ITPKB: variants seen among roughly 807,000 people sequenced by gnomAD.
ITPKB encodes the protein inositol-trisphosphate 3-kinase B, also known as IP3 3-kinase B.
ITPKB carries 13 observed loss-of-function variants against 69.4 expected under a neutral mutation model. That is an observed-to-expected ratio of 0.19 (90% CI 0.12 to 0.30). The LOEUF (loss-of-function observed/expected upper bound fraction) is 0.30, where lower values mean the gene tolerates loss of function less well. ITPKB is among the 10% of genes least tolerant of loss of function. The pLI is 1.00. For synonymous variants in ITPKB, 584 were observed against 513.7 expected (o/e 1.14, Z -1.85); for missense variants, 1,240 against 1,250.5 (o/e 0.99, Z 0.13).
At chr1:226,726,519 A>G (rs1373756612) in intron 2 of ITPKB, among the ~76,000 whole-genome samples, 17 of 152,116 alleles carry the variant, frequency 1.1e-4, no homozygotes, top group Admixed American at 1.0e-3. Flanking sequence ...CTACTAAAAA[A>G]TAAAAAATAA....
At chr1:226,647,710 C>T (rs895742246) in intron 3 of ITPKB, among the ~76,000 whole-genome samples, 6 of 152,258 alleles carry the variant, frequency 3.9e-5, no homozygotes, top group Non-Finnish European at 8.8e-5. Context: ...TCATCCTCAC[C>T]TCCATCATCA....
At chr1:226,667,153 GCTT>G (rs1669518219) in intron 2 of ITPKB, among the ~76,000 whole-genome samples, 1 of 152,132 alleles carries the variant, frequency 6.6e-6, no homozygotes, top group Non-Finnish European at 1.5e-5. Context: ...ACACGCATCT[GCTT>G]CTCTGCTGAG....
chr1:226,715,765 C>T (rs1657079918), intron 2 of ITPKB, among the ~76,000 whole-genome samples: 1 of 152,288 alleles, frequency 6.6e-6, no homozygotes, highest in South Asian at 2.1e-4. Context: ...ACCTTCAAAA[C>T]GTGCAAGATT....
chr1:226,706,475 A>G lies in ITPKB; in HGVS notation c.1932+29052T>C, dbSNP rs145914210. Among the ~76,000 whole-genome samples the G allele has an allele frequency of 7.5e-3, 1,145 of 152,284 alleles. 16 individuals are homozygous for G. The highest frequency in any genetic ancestry group is 0.027 in the African/African-American group (1,115 of 41,540). ...CTGAAGACTGTGGGCTAGGATCTAG[A>G]CAGGCTTCTTGTTATCAATGTCCTG... On this transcript the variant is annotated intron_variant, in intron 2 of 7. Coordinates refer to ENST00000429204, the MANE Select transcript of ITPKB (RefSeq NM_002221.4).
chr1:226,707,490 C>T, intron 2 of ITPKB: 1 of 980,050 alleles, frequency 1.0e-6, no homozygotes, highest in Non-Finnish European at 1.2e-6. Flanking sequence ...AGCCACTGCG[C>T]CTGGCCAATA....
In ITPKB at chr1:226,736,626, C is replaced by T; in HGVS notation, c.833G>A (p.Arg278Lys). Residue 278 changes from arginine to lysine, a missense_variant, in exon 2 of 8, where the codon AGG becomes AAG. By Grantham distance (26) the Arg-to-Lys change is conservative (BLOSUM62 2). Around this residue, in one of 2 missense-constraint regions of ITPKB, gnomAD observed 992 missense variants for 853.8 expected, o/e 1.16. Coordinates refer to ENST00000429204, the MANE Select transcript of ITPKB (RefSeq NM_002221.4). ...CCGAGTTCCCGGGGTAGGAGAGCCC[C>T]TTTTGTCAATTTCCATAGCTGTGGG... ...GSPTAMEIDK[R>K]GSPTPGTRSC... 6.2e-7 allele frequency: 1 copy of T among 1,613,642 alleles called. No homozygotes were observed. Among genetic ancestry groups the T allele is most frequent in the South Asian group, 1.1e-5 (1 of 91,088 alleles).
In ITPKB at chr1:226,641,900, G is replaced by A. The variant is rs761281405; in HGVS notation, c.2451+21C>T. On this transcript the variant is annotated intron_variant, in intron 5 of 7. Coordinates refer to ENST00000429204, the MANE Select transcript of ITPKB (RefSeq NM_002221.4). This position sits in a 1 kb window ranked among gnomAD's most constrained non-coding sequence, Gnocchi z 4.6. ...GTGGGCACGGGTGGGGCCCGAGGCT[G>A]CCCTCACTCGCCGGCCTCACCTTGA... The A allele has an allele frequency of 1.6e-5, 26 of 1,605,450 alleles. No homozygotes were observed. The highest frequency in any genetic ancestry group is 2.1e-5 in the Non-Finnish European group (25 of 1,174,414).
intron 2 of ITPKB, among the ~76,000 whole-genome samples, chr1:226,695,722 C>T (rs1656465144): frequency 6.6e-6 from 1 of 152,238 alleles, no homozygotes; most frequent in South Asian, 2.1e-4. Context: ...CAGCAAGAGT[C>T]GGTGTGCAGC....
chr1:226,704,599 C>T (rs1437931153), intron 2 of ITPKB, among the ~76,000 whole-genome samples: 1 of 152,160 alleles, frequency 6.6e-6, no homozygotes, highest in Admixed American at 6.5e-5. Flanking sequence ...GACAAAAGCA[C>T]TGGAGATAAA....
At position 226,736,051 on chromosome 1, in the gene ITPKB, T is replaced by C. The variant is rs1380829809; in HGVS notation, c.1408A>G (p.Ile470Val). The C allele has an allele frequency of 5.0e-6, 8 of 1,613,470 alleles. No individual in the cohort carries two copies. Among genetic ancestry groups the C allele is most frequent in the South Asian group, 4.4e-5 (4 of 91,088 alleles). Residue 470 changes from isoleucine to valine, a missense_variant, in exon 2 of 8, where the codon ATT becomes GTT. Transcript: ENST00000429204. ...GGCTCCAGCATTCTGCCAGAAGGAA[T>C]TCCCGCCTCCACATTCCCGGTCCCC... ...QPGTGNVEAG[I>V]PSGRMLEPLP... is the part of the protein sequence containing the mutation.
At position 226,707,870 on chromosome 1, in the gene ITPKB, C is replaced by T. The variant is rs769987347; in HGVS notation, c.1932+27657G>A. 85 of 1,297,682 alleles carry T rather than the reference C, an allele frequency of 6.6e-5. No homozygotes were observed. In the East Asian group the frequency reaches 7.4e-4, roughly 11 times the overall value. 80.4% of individuals were successfully genotyped at this position (1,297,682 alleles called of 1,614,324 possible). Reference sequence around the variant, plus strand: ...GCTATACATCATTCTTGGTATTGGACGTTGCCCCAGCAGTACCACTGAGGG... The same window carrying T: ...GCTATACATCATTCTTGGTATTGGATGTTGCCCCAGCAGTACCACTGAGGG... On this transcript the variant is annotated intron_variant, in intron 2 of 7. Coordinates refer to ENST00000429204, the MANE Select transcript of ITPKB (RefSeq NM_002221.4).
At chr1:226,688,225 C>T (rs1436601216) in intron 2 of ITPKB, among the ~76,000 whole-genome samples, 4 of 152,168 alleles carry the variant, frequency 2.6e-5, no homozygotes, top group African/African-American at 9.7e-5. Flanking sequence ...TGGAGGGTTC[C>T]AGAAAAGAGC....
chr1:226,679,156 AGC>A (rs1467730330), intron 2 of ITPKB, among the ~76,000 whole-genome samples: 2 of 151,356 alleles, frequency 1.3e-5, no homozygotes, highest in African/African-American at 4.9e-5. Flanking sequence ...AATGGCTGAC[AGC>A]GTCTATTCAG....
At chr1:226,706,621 C>T (rs1296394431) in intron 2 of ITPKB, among the ~76,000 whole-genome samples, 1 of 152,208 alleles carries the variant, frequency 6.6e-6, no homozygotes, top group Non-Finnish European at 1.5e-5. Context: ...TGGTCCAGCT[C>T]TTGGATTTCA....
In ITPKB at chr1:226,642,154, C is replaced by A; in HGVS notation, c.2247-29G>T. 1 of 1,590,316 alleles carries A rather than the reference C, an allele frequency of 6.3e-7. No homozygotes were observed. The stretch of plus-strand genomic sequence containing the variant: ...CGTGGGAGGGAAGGCGACATGAGGG[C>A]CGAGGCCTGGGGCAGGGCTCACCAG... On this transcript the variant is annotated intron_variant, in intron 4 of 7. Transcript: ENST00000429204. This position sits in a 1 kb window ranked among gnomAD's most constrained non-coding sequence, Gnocchi z 6.4.
chr1:226,664,708 G>A (rs1669464935), intron 2 of ITPKB, among the ~76,000 whole-genome samples: 1 of 152,210 alleles, frequency 6.6e-6, no homozygotes. Context: ...CCCAGCTGAA[G>A]AAAATATTTT....
In ITPKB at chr1:226,634,762, T is replaced by C. The variant is rs143399880; in HGVS notation, c.2750A>G (p.Gln917Arg). The change falls in exon 8 of 8, where the codon CAG becomes CGG. Residue 917 changes from glutamine (Q) to arginine (R), a missense_variant. Physicochemically the swap from Gln to Arg is conservative, Grantham distance 43. This residue lies in a region of ITPKB where 248 missense variants were observed against 396.7 expected (regional missense o/e 0.63). Transcript: ENST00000429204. This position sits in a 1 kb window ranked among gnomAD's most constrained non-coding sequence, Gnocchi z 6.3. The stretch of plus-strand genomic sequence containing the variant: ...GTAGCCATCCTCCCGGTTCCCCTCC[T>C]GCCAGGGGACGTCATGCTGCAGGGT... ...GQTLQHDVPW[Q>R]EGNREDGYLS... The C allele has an allele frequency of 4.9e-6, 7 of 1,418,684 alleles. No individual in the cohort carries two copies. The highest frequency in any genetic ancestry group is 7.0e-6 in the Non-Finnish European group (7 of 1,001,644). The allele number at this position is 1,418,684 out of a possible 1,614,324, so 87.9% of individuals were successfully genotyped here. A position where few individuals can be genotyped will look rare whatever the true frequency, so the allele number is the denominator to read the frequency against.
intron 2 of ITPKB, among the ~76,000 whole-genome samples, chr1:226,699,683 G>T (rs1294731962): frequency 6.6e-6 from 1 of 151,596 alleles, no homozygotes; most frequent in Non-Finnish European, 1.5e-5. Flanking sequence ...GCCCTTTCTG[G>T]GATATTCTTC....
intron 2 of ITPKB, among the ~76,000 whole-genome samples, chr1:226,725,331 A>T (rs947848868): frequency 6.6e-6 from 1 of 151,916 alleles, no homozygotes; most frequent in African/African-American, 2.4e-5. Context: ...TGCAAAGTGC[A>T]CTTCTCAAAG....
Sources: gnomAD v4.1 joint callset for allele counts (sites outside exome capture counted in the v4.1 genomes callset) on GRCh38, gnomAD v4.1.1 for gene constraint, gnomAD v4.1.1 regional missense constraint, Gnocchi (gnomAD v3.1) non-coding constraint, MANE v1.5 for transcripts, NCBI Gene and HGNC (gene_info 2026-07-23, HGNC 2026-07-21) for gene names.